Variants in ZNF469 observed in about 807,000 individuals in gnomAD.
ZNF469 encodes zinc finger protein 469.
Under a neutral mutation model 1.0 loss-of-function variants are expected in ZNF469, and 1 was observed. The observed-to-expected ratio is 1.00, with a 90% confidence interval of 0.35 to 4.73. The LOEUF (loss-of-function observed/expected upper bound fraction) is 4.73, where lower values mean the gene tolerates loss of function less well. ZNF469 is among the 30% of genes most tolerant of loss of function. The pLI is 0.16. For synonymous variants in ZNF469, 2,703 were observed against 2,363.4 expected (o/e 1.14, Z -4.17); for missense variants, 6,100 against 5,356.3 (o/e 1.14, Z -4.33).
chr16:88,260,628 C>T, the ZNF469 span, among the ~76,000 whole-genome samples: 1 of 152,154 alleles, frequency 6.6e-6, no homozygotes, highest in African/African-American at 2.4e-5. The surrounding 1 kb of genome is among the most constrained non-coding windows in gnomAD (Gnocchi z 4.1). Context: ...CAATCATGCT[C>T]GCGGCTCCGT....
chr16:88,222,822 C>T, the ZNF469 span, among the ~76,000 whole-genome samples: 2 of 152,082 alleles, frequency 1.3e-5, no homozygotes, highest in Admixed American at 6.6e-5. Context: ...AGCTCTTGAA[C>T]TCCTGGCCTC....
At chr16:88,106,596 C>T in the ZNF469 span, among the ~76,000 whole-genome samples, 1 of 152,266 alleles carries the variant, frequency 6.6e-6, no homozygotes, top group Non-Finnish European at 1.5e-5. Flanking sequence ...TGCAATGCTG[C>T]ACCCGGAGCA....
At chr16:88,335,095 G>T in the ZNF469 span, among the ~76,000 whole-genome samples, 1 of 152,240 alleles carries the variant, frequency 6.6e-6, no homozygotes, top group Non-Finnish European at 1.5e-5. Context: ...TTTGGAGGGA[G>T]CACAGCCCTG....
the ZNF469 span, among the ~76,000 whole-genome samples, chr16:88,254,586 C>A: frequency 7.9e-5 from 12 of 152,130 alleles, no homozygotes; most frequent in Non-Finnish European, 1.6e-4. Context: ...GATGAAACCC[C>A]GTCTCTACTA....
chr16:88,109,688 T>C, the ZNF469 span, among the ~76,000 whole-genome samples: 1 of 149,820 alleles, frequency 6.7e-6, no homozygotes, highest in Non-Finnish European at 1.5e-5. Context: ...CAGGAGGTGC[T>C]GAGCGTCTGT....
chr16:88,254,321 T>C, the ZNF469 span, among the ~76,000 whole-genome samples: 4 of 152,212 alleles, frequency 2.6e-5, no homozygotes, highest in African/African-American at 7.2e-5. Context: ...GTTGTATATA[T>C]GGGGTCTATG....
chr16:88,333,874 G>T, the ZNF469 span, among the ~76,000 whole-genome samples: 977 of 151,344 alleles, frequency 6.5e-3, 9 homozygotes, highest in African/African-American at 0.022. Context: ...GTGTGTGTGT[G>T]TGTGTTTGTG....
chr16:88,260,098 C>T, the ZNF469 span, among the ~76,000 whole-genome samples: 1 of 151,838 alleles, frequency 6.6e-6, no homozygotes, highest in Non-Finnish European at 1.5e-5. The surrounding 1 kb of genome is among the most constrained non-coding windows in gnomAD (Gnocchi z 4.1). Context: ...CTGCCTCAGC[C>T]TCCTGAGTGG....
chr16:88,386,328 T>C (rs1026491370), intron 1 of ZNF469, among the ~76,000 whole-genome samples: 1 of 152,110 alleles, frequency 6.6e-6, no homozygotes. Flanking sequence ...CCTCATGGGT[T>C]CATCTCAGGA....
the ZNF469 span, among the ~76,000 whole-genome samples, chr16:88,263,390 C>G: frequency 1.3e-5 from 2 of 152,212 alleles, no homozygotes; most frequent in African/African-American, 4.8e-5. Context: ...ATCGGGAACG[C>G]CCGCTCCCTG....
chr16:88,271,061 G>A, the ZNF469 span, among the ~76,000 whole-genome samples: 8 of 152,216 alleles, frequency 5.3e-5, no homozygotes, highest in Admixed American at 1.3e-4. Flanking sequence ...GGAATGAGTC[G>A]CATTCCCTCT....
chr16:88,287,088 T>C, the ZNF469 span, among the ~76,000 whole-genome samples: 1 of 152,258 alleles, frequency 6.6e-6, no homozygotes, highest in South Asian at 2.1e-4. Flanking sequence ...TTAAAGCTTT[T>C]CTGAACATGG....
chr16:88,229,206 A>G, the ZNF469 span, among the ~76,000 whole-genome samples: 1 of 152,094 alleles, frequency 6.6e-6, no homozygotes, highest in African/African-American at 2.4e-5. Flanking sequence ...ATTTTCCAAT[A>G]TTTTTCTCGA....
chr16:88,157,274 C>T, the ZNF469 span, among the ~76,000 whole-genome samples: 6 of 152,246 alleles, frequency 3.9e-5, no homozygotes, highest in East Asian at 3.9e-4. Context: ...CCTGAACACT[C>T]GGTGCCTGAT....
the ZNF469 span, among the ~76,000 whole-genome samples, chr16:88,322,374 A>G: frequency 1.3e-5 from 2 of 152,172 alleles, no homozygotes; most frequent in African/African-American, 4.8e-5. Context: ...CTGGGAGGCA[A>G]TGGCTCCTGC....
At chr16:88,351,118 G>T in the ZNF469 span, among the ~76,000 whole-genome samples, 1 of 152,220 alleles carries the variant, frequency 6.6e-6, no homozygotes, top group Admixed American at 6.5e-5. Flanking sequence ...GTCGGGGTCA[G>T]TCACTCCAGG....
Position 88,437,320 on chromosome 16 carries a change from G to C in ZNF469, c.9850G>C (p.Gly3284Arg), listed in dbSNP as rs773064083. The C allele has an allele frequency of 1.3e-6, 2 of 1,547,234 alleles. No homozygotes were observed. Among genetic ancestry groups the C allele is most frequent in the Middle Eastern group, 1.8e-4 (1 of 5,668 alleles). The change falls in exon 3 of 3, where the codon GGG (glycine) becomes CGG (arginine). Residue 3284 changes from glycine to arginine, a missense_variant. Physicochemically the swap from Gly to Arg is moderately radical, Grantham distance 125. Transcript: ENST00000565624. ...RARSTPSNPD[G>R]AATPDSASAT... ...ACGCAGCACCCCCAGCAACCCAGACGGGGCCGCGACCCCAGACAGCGCCTC... is the reference window on the plus strand; with the variant it reads ...ACGCAGCACCCCCAGCAACCCAGACCGGGCCGCGACCCCAGACAGCGCCTC...
chr16:88,133,622 C>T, the ZNF469 span, among the ~76,000 whole-genome samples: 3 of 140,482 alleles, frequency 2.1e-5, no homozygotes, highest in South Asian at 2.3e-4. Context: ...TTTAATAAAT[C>T]AATAGATTAA....
chr16:88,221,126 G>C, the ZNF469 span, among the ~76,000 whole-genome samples: 1 of 152,178 alleles, frequency 6.6e-6, no homozygotes, highest in Non-Finnish European at 1.5e-5. Flanking sequence ...GAGTGCCCAG[G>C]ACACAGTGAC....
Sources: allele counts gnomAD v4.1 joint callset (sites outside exome capture counted in the v4.1 genomes callset), GRCh38; gene constraint gnomAD v4.1.1; non-coding constraint Gnocchi (gnomAD v3.1); transcripts MANE v1.5; gene names NCBI Gene and HGNC (gene_info 2026-07-23, HGNC 2026-07-21).